Variants in CYP2C18 observed in about 807,000 individuals in gnomAD.
CYP2C18 encodes the protein cytochrome P450 2C18.
CYP2C18 carries 38 observed loss-of-function variants against 41.3 expected under a neutral mutation model. The observed-to-expected ratio is 0.92, with a 90% CI of 0.71 to 1.21. The LOEUF (loss-of-function observed/expected upper bound fraction) is 1.21, where lower values mean the gene tolerates loss of function less well. CYP2C18 is among the 50% of genes most tolerant of loss of function. The pLI is 0.00. For synonymous variants in CYP2C18, 236 were observed against 210.0 expected (o/e 1.12, Z -1.07); for missense variants, 635 against 591.4 (o/e 1.07, Z -0.77).
chr10:94,728,053 G>T (rs892589511), intron 7 of CYP2C18, among the ~76,000 whole-genome samples: 2 of 151,550 alleles, frequency 1.3e-5, no homozygotes, highest in African/African-American at 4.9e-5. Context: ...TTTTTTGATG[G>T]ACTTCCTGTA....
chr10:94,733,223 C>T, intron 7 of CYP2C18, 74 bp from the exon 8 acceptor site: 1 of 1,386,614 alleles, frequency 7.2e-7, no homozygotes, highest in South Asian at 1.3e-5. Context: ...AGAGATTGGA[C>T]TAGGTGATTT....
At chr10:94,688,099 G>A (rs775399047) in intron 2 of CYP2C18, 26 bp from the exon 3 acceptor site, 34 of 1,612,962 alleles carry the variant, frequency 2.1e-5, no homozygotes, top group Non-Finnish European at 2.5e-5. Flanking sequence ...ATTCTCCCTC[G>A]TAGCTTCTGT....
chr10:94,698,344 A>C (rs1480125355), intron 4 of CYP2C18, among the ~76,000 whole-genome samples: 2 of 152,210 alleles, frequency 1.3e-5, no homozygotes, highest in African/African-American at 2.4e-5. Flanking sequence ...AAACCCCTCA[A>C]CTACATGGAA....
At chr10:94,733,267 A>G in intron 7 of CYP2C18, 30 bp from the exon 8 acceptor site, 1 of 1,603,284 alleles carries the variant, frequency 6.2e-7, no homozygotes, top group Admixed American at 1.7e-5. Flanking sequence ...ACTTCTTTAT[A>G]ACTTAGTTTG....
intron 5 of CYP2C18, among the ~76,000 whole-genome samples, chr10:94,713,332 T>A (rs902523211): frequency 3.0e-4 from 45 of 148,848 alleles, no homozygotes; most frequent in Non-Finnish European, 6.2e-4. Flanking sequence ...CCCTCCCCGC[T>A]CCCCCCACCC....
chr10:94,693,932 T>G (rs1847064012), intron 3 of CYP2C18, among the ~76,000 whole-genome samples: 1 of 152,110 alleles, frequency 6.6e-6, no homozygotes, highest in Non-Finnish European at 1.5e-5. Flanking sequence ...CCAAACTGTA[T>G]CAGGGAGATA....
At position 94,733,454 on chromosome 10, in the gene CYP2C18, T is replaced by G; in HGVS notation, c.1291+16T>G. The G allele has an allele frequency of 6.2e-7, 1 of 1,612,642 alleles. No homozygotes were observed. The highest frequency in any genetic ancestry group is 8.5e-7 in the Non-Finnish European group (1 of 1,179,080). On this transcript the variant is annotated intron_variant, in intron 8 of 8. Coordinates refer to ENST00000285979, the MANE Select transcript of CYP2C18 (RefSeq NM_000772.3). Reference sequence around the variant, plus strand: ...TTCTCAGCAGGTAATAGATATTCATTTCCATCTGTCCTTCAGGGCACATGA... The same window carrying G: ...TTCTCAGCAGGTAATAGATATTCATGTCCATCTGTCCTTCAGGGCACATGA...
rs972695850 is a variant in CYP2C18, at chr10:94,718,079, A to G, written c.820-2317A>G. Among the ~76,000 whole-genome samples, 10 of 152,028 alleles carry G rather than the reference A, an allele frequency of 6.6e-5. No homozygotes were observed. The East Asian group carries it at 1.9e-3, about 29-fold the overall frequency. On this transcript the variant is annotated intron_variant, in intron 5 of 8. Coordinates refer to ENST00000285979, the MANE Select transcript of CYP2C18 (RefSeq NM_000772.3). ...CATTTTAACAATATCAACTCTTCCAATCCATGCATATGGTATCTCTTTTTT... is the reference window on the plus strand; with the variant it reads ...CATTTTAACAATATCAACTCTTCCAGTCCATGCATATGGTATCTCTTTTTT...
chr10:94,731,125 A>G (rs1847824976), intron 7 of CYP2C18, among the ~76,000 whole-genome samples: 1 of 152,266 alleles, frequency 6.6e-6, no homozygotes, highest in South Asian at 2.1e-4. Context: ...TCATGCCCAT[A>G]ATCCCAGCAC....
chr10:94,729,305 G>A (rs74152343), intron 7 of CYP2C18, among the ~76,000 whole-genome samples: 3,842 of 152,238 alleles, frequency 0.025, 145 homozygotes, highest in African/African-American at 0.075. Flanking sequence ...GAAAGAAACA[G>A]ATGACTTTTT....
At chr10:94,728,752 A>G (rs80024442) in intron 7 of CYP2C18, 10 of 236,884 alleles carry the variant, frequency 4.2e-5, no homozygotes, top group African/African-American at 2.4e-5. Flanking sequence ...TTTTTTTTTT[A>G]ACAAAAGTTT....
At chr10:94,710,493 A>G (rs1847416493) in intron 5 of CYP2C18, among the ~76,000 whole-genome samples, 1 of 152,218 alleles carries the variant, frequency 6.6e-6, no homozygotes, top group South Asian at 2.1e-4. Flanking sequence ...AACGATATTA[A>G]GTCTTCCAAT....
At position 94,724,418 on chromosome 10, in the gene CYP2C18, T is replaced by G. The variant is rs200587027; in HGVS notation, c.1034T>G (p.Met345Arg). The G allele has an allele frequency of 3.7e-6, 6 of 1,613,618 alleles. No individual in the cohort carries two copies. Among genetic ancestry groups the G allele is most frequent in the Non-Finnish European group, 5.1e-6 (6 of 1,179,706 alleles). Residue 345 changes from methionine to arginine, a missense_variant, in exon 7 of 9, where the codon ATG (methionine) becomes AGG (arginine). Coordinates refer to ENST00000285979, the MANE Select transcript of CYP2C18 (RefSeq NM_000772.3). ...RSPCMQDRSH[M>R]PYTDAVVHEI... ...CCCTGTATGCAGGACAGGAGTCACA[T>G]GCCCTACACAGATGCTGTGGTGCAC...
intron 3 of CYP2C18, among the ~76,000 whole-genome samples, chr10:94,693,769 A>G (rs1019927136): frequency 6.6e-6 from 1 of 152,184 alleles, no homozygotes; most frequent in African/African-American, 2.4e-5. Context: ...TCATTACCGC[A>G]CAACATTTTT....
chr10:94,732,015 A>T (rs10882493), intron 7 of CYP2C18, among the ~76,000 whole-genome samples: 30,523 of 152,120 alleles, frequency 0.2, 3,261 homozygotes, highest in Middle Eastern at 0.23. Flanking sequence ...CTTCTGCATA[A>T]CAAAAGTAAC....
At chr10:94,710,403 A>G (rs749921509) in intron 5 of CYP2C18, among the ~76,000 whole-genome samples, 58 of 152,308 alleles carry the variant, frequency 3.8e-4, no homozygotes, top group Admixed American at 7.2e-4. Context: ...AATCTTGTCC[A>G]TTTCTATTAA....
intron 4 of CYP2C18, among the ~76,000 whole-genome samples, chr10:94,704,721 A>G (rs1847306955): frequency 6.6e-6 from 1 of 152,174 alleles, no homozygotes; most frequent in African/African-American, 2.4e-5. Flanking sequence ...CGCTCTGGGC[A>G]TGTTGATAAC....
chr10:94,729,796 C>T (rs918200061), intron 7 of CYP2C18, among the ~76,000 whole-genome samples: 1 of 151,958 alleles, frequency 6.6e-6, no homozygotes, highest in Non-Finnish European at 1.5e-5. Context: ...ACTTTTGTAT[C>T]TAGGGTTTTA....
At position 94,724,321 on chromosome 10, in the gene CYP2C18, T is replaced by C. The variant is rs762636428; in HGVS notation, c.962-25T>C. The C allele has an allele frequency of 2.5e-6, 4 of 1,612,060 alleles. No individual in the cohort carries two copies. In the East Asian group the frequency reaches 8.9e-5, roughly 36 times the overall value. On this transcript the variant is annotated intron_variant, in intron 6 of 8. Transcript: ENST00000285979. ...AATGTGCCATTTTCCTCCTTTTCCA[T>C]CATTTCTTACTTGTGTCTTATCAGC... is the stretch of plus-strand genomic sequence containing the variant.
Sources: allele counts gnomAD v4.1 joint callset (sites outside exome capture counted in the v4.1 genomes callset), GRCh38; gene constraint gnomAD v4.1.1; transcripts MANE v1.5; gene names NCBI Gene and HGNC (gene_info 2026-07-23, HGNC 2026-07-21).